NTM: variants seen among roughly 807,000 people sequenced by gnomAD.
NTM encodes IgLON family member 2.
A neutral mutation model predicts 42.1 loss-of-function variants in NTM; 13 were observed. The observed-to-expected ratio is 0.31, with a 90% CI of 0.20 to 0.49. The LOEUF (loss-of-function observed/expected upper bound fraction) is 0.49. Among genes scored for constraint, NTM ranks in the 20% least tolerant of loss-of-function variants. The pLI is 0.99. For missense variants in NTM, 373 were observed against 452.8 expected, an observed-to-expected ratio of 0.82 and a Z score of 1.60; for synonymous variants, 187 against 179.2, an observed-to-expected ratio of 1.04 and a Z score of -0.35.
chr11:131,970,597 C>T (rs535966515), intron 2 of NTM, among the ~76,000 whole-genome samples: 60 of 152,336 alleles, frequency 3.9e-4, no homozygotes, highest in Non-Finnish European at 7.9e-4. Flanking sequence ...AACACTTCCG[C>T]CTCGCTGCTT....
chr11:131,424,872 T>A (rs550785198), intron 1 of NTM, among the ~76,000 whole-genome samples: 4 of 146,504 alleles, frequency 2.7e-5, no homozygotes, highest in Admixed American at 6.9e-5. Flanking sequence ...CCCAGCTTTT[T>A]TTTTTTTTAT....
intron 1 of NTM, among the ~76,000 whole-genome samples, chr11:131,510,827 C>T (rs940801551): frequency 1.3e-5 from 2 of 152,184 alleles, no homozygotes; most frequent in South Asian, 2.1e-4. Context: ...GTGCAGAGCT[C>T]GGCCTTCTGC....
At position 131,732,291 on chromosome 11, in the gene NTM, C is replaced by G. The variant is rs570566380; in HGVS notation, c.83-179273C>G. 3.3e-5 allele frequency among the ~76,000 whole-genome samples: 5 copies of G among 152,288 alleles called. No individual in the cohort carries two copies. The South Asian group carries it at 1.0e-3, about 32-fold the overall frequency. ...ATATTCGCTTCTCTCTTCATTCCTG[C>G]TCTATTTATCTAATTGTCCCTATTT... On this transcript the variant is annotated intron_variant, in intron 1 of 8. Transcript: ENST00000683400.
At chr11:132,012,122 C>T (rs2027782) in intron 2 of NTM, among the ~76,000 whole-genome samples, 74,192 of 151,858 alleles carry the variant, frequency 0.49, 19,126 homozygotes, top group East Asian at 0.81. Context: ...ACTAGAACAG[C>T]GTAGTCACCT....
chr11:131,812,643 G>A (rs971164471), intron 1 of NTM, among the ~76,000 whole-genome samples: 1 of 152,136 alleles, frequency 6.6e-6, no homozygotes, highest in Admixed American at 6.5e-5. Flanking sequence ...TGCCTGAGAG[G>A]AGCTAGGGGA....
At chr11:132,080,022 A>G (rs2058836486) in intron 2 of NTM, among the ~76,000 whole-genome samples, 1 of 152,172 alleles carries the variant, frequency 6.6e-6, no homozygotes, top group Non-Finnish European at 1.5e-5. Context: ...GTGGAGAAAA[A>G]TATACATGGT....
At chr11:132,029,910 G>C (rs982878533) in intron 2 of NTM, among the ~76,000 whole-genome samples, 16 of 152,124 alleles carry the variant, frequency 1.1e-4, no homozygotes, top group Non-Finnish European at 1.9e-4. Flanking sequence ...GCTTATTTAG[G>C]AGGCATCAGC....
At chr11:131,494,817 A>G (rs982018855) in intron 1 of NTM, among the ~76,000 whole-genome samples, 3 of 152,222 alleles carry the variant, frequency 2.0e-5, no homozygotes, top group African/African-American at 4.8e-5. Context: ...GGTTTATGTC[A>G]TAGCAAGATT....
intron 2 of NTM, among the ~76,000 whole-genome samples, chr11:132,020,694 C>G (rs189456358): frequency 6.6e-6 from 1 of 152,160 alleles, no homozygotes; most frequent in Admixed American, 6.5e-5. Context: ...CCTTTTGGTA[C>G]TTGAATATAT....
intron 1 of NTM, among the ~76,000 whole-genome samples, chr11:131,902,977 C>G (rs758354159): frequency 1.3e-5 from 2 of 152,150 alleles, no homozygotes; most frequent in African/African-American, 2.4e-5. Context: ...CTGAGAAACT[C>G]AGCAGAGATT....
chr11:131,512,909 G>A (rs2048439782), intron 1 of NTM, among the ~76,000 whole-genome samples: 1 of 147,286 alleles, frequency 6.8e-6, no homozygotes, highest in African/African-American at 2.5e-5. Context: ...TTCCTCCCTT[G>A]GTCTTGATCA....
At chr11:131,923,119 T>A (rs929644980) in intron 2 of NTM, among the ~76,000 whole-genome samples, 2 of 152,168 alleles carry the variant, frequency 1.3e-5, no homozygotes, top group Non-Finnish European at 2.9e-5. Flanking sequence ...TCAGCCCCCA[T>A]CTTTCTATCC....
chr11:131,963,566 G>A (rs2062466722), intron 2 of NTM, among the ~76,000 whole-genome samples: 1 of 152,170 alleles, frequency 6.6e-6, no homozygotes, highest in Non-Finnish European at 1.5e-5. Context: ...CTTGCTAAAA[G>A]GATTCTAGCC....
At chr11:131,675,324 T>C (rs1465183674) in intron 1 of NTM, among the ~76,000 whole-genome samples, 1 of 152,252 alleles carries the variant, frequency 6.6e-6, no homozygotes, top group Non-Finnish European at 1.5e-5. Context: ...CATTTTTAAA[T>C]TCTTATTACT....
intron 1 of NTM, among the ~76,000 whole-genome samples, chr11:131,496,648 G>A (rs868463699): frequency 6.6e-6 from 1 of 152,194 alleles, no homozygotes; most frequent in Non-Finnish European, 1.5e-5. Flanking sequence ...TTCTGACCCA[G>A]CATCTTCATC....
chr11:131,686,380 T>A (rs900956310), intron 1 of NTM, among the ~76,000 whole-genome samples: 1 of 152,172 alleles, frequency 6.6e-6, no homozygotes, highest in Admixed American at 6.5e-5. Context: ...AATCTCACAA[T>A]AAAGTAAGCT....
At chr11:132,159,624 T>A (rs1331572299) in intron 3 of NTM, among the ~76,000 whole-genome samples, 1 of 152,068 alleles carries the variant, frequency 6.6e-6, no homozygotes, top group Non-Finnish European at 1.5e-5. Flanking sequence ...GGAGAACAGG[T>A]TCAGAGGATA....
At chr11:132,026,403 T>A (rs2075182526) in intron 2 of NTM, among the ~76,000 whole-genome samples, 1 of 152,200 alleles carries the variant, frequency 6.6e-6, no homozygotes, top group African/African-American at 2.4e-5. Context: ...GGTCCACTTA[T>A]ATGAGACATC....
At chr11:131,839,243 T>C (rs2043921462) in intron 1 of NTM, among the ~76,000 whole-genome samples, 1 of 152,218 alleles carries the variant, frequency 6.6e-6, no homozygotes, top group South Asian at 2.1e-4. Flanking sequence ...ATTACAGGCG[T>C]GAGCCACCAT....
Sources: allele counts gnomAD v4.1 joint callset (sites outside exome capture counted in the v4.1 genomes callset), GRCh38; gene constraint gnomAD v4.1.1; transcripts MANE v1.5; gene names NCBI Gene and HGNC (gene_info 2026-07-23, HGNC 2026-07-21).